CALCRL: variants seen among roughly 807,000 people sequenced by gnomAD.
The protein encoded by CALCRL is calcitonin receptor like receptor, also known as calcitonin gene-related peptide type 1 receptor.
In CALCRL, 27 loss-of-function variants were observed where a neutral mutation model predicts 60.4. The ratio of observed to expected loss-of-function variants is 0.45; its 90% CI spans 0.33 to 0.62. CALCRL has a LOEUF of 0.62. Ranked by LOEUF, CALCRL falls within the 20% of genes least tolerant of loss-of-function variation. The pLI is 0.03. For synonymous variants in CALCRL, 190 were observed against 182.6 expected, an observed-to-expected ratio of 1.04 and a Z score of -0.33; for missense variants, 424 against 540.7, an observed-to-expected ratio of 0.78 and a Z score of 2.14.
chr2:187,429,208 C>T (rs1338018543), intron 1 of CALCRL, among the ~76,000 whole-genome samples: 1 of 151,708 alleles, frequency 6.6e-6, no homozygotes, highest in African/African-American at 2.4e-5. Context: ...TCTTACCCAT[C>T]TGTCAAGTTT....
chr2:187,445,746 A>G (rs1691151065), intron 1 of CALCRL, among the ~76,000 whole-genome samples: 1 of 151,488 alleles, frequency 6.6e-6, no homozygotes, highest in South Asian at 2.1e-4. Context: ...GTTATGCATG[A>G]AAAAATAGTA....
intron 1 of CALCRL, among the ~76,000 whole-genome samples, chr2:187,430,313 T>C (rs920070854): frequency 1.3e-5 from 2 of 152,128 alleles, no homozygotes; most frequent in African/African-American, 4.8e-5. Context: ...AAATCACAGC[T>C]TAAGTACAGA....
At chr2:187,402,182 T>C (rs1688917164) in intron 1 of CALCRL, among the ~76,000 whole-genome samples, 1 of 151,730 alleles carries the variant, frequency 6.6e-6, no homozygotes, top group Non-Finnish European at 1.5e-5. Flanking sequence ...TTTACTATAT[T>C]AATACATTCA....
intron 1 of CALCRL, among the ~76,000 whole-genome samples, chr2:187,414,556 TA>T (rs1343896627): frequency 6.6e-6 from 1 of 152,142 alleles, no homozygotes; most frequent in Non-Finnish European, 1.5e-5. Flanking sequence ...TCTTTTTCCA[TA>T]ATATAATAAT....
intron 1 of CALCRL, among the ~76,000 whole-genome samples, chr2:187,442,607 A>T (rs10194145): frequency 0.28 from 41,703 of 151,052 alleles, 5,954 homozygotes; most frequent in Middle Eastern, 0.34. Context: ...TAAGAACTTT[A>T]AAAAAAATGG....
chr2:187,437,034 C>T (rs1321243576), intron 1 of CALCRL, among the ~76,000 whole-genome samples: 1 of 151,952 alleles, frequency 6.6e-6, no homozygotes, highest in Non-Finnish European at 1.5e-5. Flanking sequence ...ATACTTTGTT[C>T]TGGTTGGCTT....
intron 1 of CALCRL, chr2:187,442,188 A>G (rs1690952800): frequency 1.3e-5 from 2 of 149,380 alleles, no homozygotes; most frequent in African/African-American, 4.9e-5. Context: ...ATGTGTGTAT[A>G]TATGTATACA....
At chr2:187,347,958 A>G (rs950354597) in intron 14 of CALCRL, among the ~76,000 whole-genome samples, 4 of 151,826 alleles carry the variant, frequency 2.6e-5, no homozygotes, top group Non-Finnish European at 5.9e-5. Context: ...TTACATTATG[A>G]TGAAGTTCAG....
At chr2:187,423,322 G>A (rs1483709475) in intron 1 of CALCRL, among the ~76,000 whole-genome samples, 2 of 149,786 alleles carry the variant, frequency 1.3e-5, no homozygotes, top group Non-Finnish European at 3.0e-5. Context: ...GAATGCCTTT[G>A]AAGTTAAACC....
chr2:187,430,150 G>A (rs1024923496), intron 1 of CALCRL, among the ~76,000 whole-genome samples: 20 of 152,268 alleles, frequency 1.3e-4, no homozygotes, highest in African/African-American at 4.8e-4. Flanking sequence ...CTTGCTCTAA[G>A]GAACAGTGAG....
At position 187,383,287 on chromosome 2, in the gene CALCRL, A is replaced by T; in HGVS notation, c.70T>A (p.Leu24Ile). ...ATTGAGTCCTCAGGACTCTCTTCTA[A>T]TTCTGCTGTAACAAGAATCTAAGGG... ...PFFMILVTAE[L>I]EESPEDSIQL... Residue 24 changes from leucine to isoleucine, a missense_variant, in exon 5 of 15, where the codon TTA (leucine) becomes ATA (isoleucine). This residue lies in a region of CALCRL where 108 missense variants were observed against 132.9 expected (regional missense o/e 0.81). Coordinates refer to ENST00000392370, the MANE Select transcript of CALCRL (RefSeq NM_005795.6). 6.2e-7 allele frequency: 1 copy of T among 1,604,274 alleles called. No homozygotes were observed. Among genetic ancestry groups the T allele is most frequent in the Non-Finnish European group, 8.5e-7 (1 of 1,176,636 alleles).
intron 5 of CALCRL, among the ~76,000 whole-genome samples, chr2:187,381,476 G>C (rs1436959939): frequency 2.1e-5 from 3 of 142,600 alleles, no homozygotes; most frequent in Non-Finnish European, 4.6e-5. Context: ...TTTTTTTTTT[G>C]AGACTGAGTC....
intron 14 of CALCRL, among the ~76,000 whole-genome samples, chr2:187,350,572 G>T (rs117573825): frequency 0.089 from 13,352 of 150,434 alleles, 709 homozygotes; most frequent in South Asian, 0.17. Context: ...AATAAATATA[G>T]ATAAATAATA....
intron 1 of CALCRL, among the ~76,000 whole-genome samples, chr2:187,443,419 A>G (rs1691018859): frequency 6.6e-6 from 1 of 151,824 alleles, no homozygotes; most frequent in African/African-American, 2.4e-5. Flanking sequence ...CAATATGATT[A>G]TCACTTCCAC....
intron 8 of CALCRL, among the ~76,000 whole-genome samples, chr2:187,368,282 T>G (rs753216879): frequency 9.2e-5 from 14 of 152,108 alleles, no homozygotes; most frequent in Non-Finnish European, 1.0e-4. Context: ...AATCAAACGC[T>G]CTAATGGTTT....
chr2:187,364,146 A>G (rs553358621), intron 8 of CALCRL, among the ~76,000 whole-genome samples: 8 of 150,620 alleles, frequency 5.3e-5, no homozygotes, highest in Non-Finnish European at 8.9e-5. Context: ...TTCCTCTTGT[A>G]TAAAACAAAA....
chr2:187,364,272 T>A (rs1687183993), intron 8 of CALCRL, among the ~76,000 whole-genome samples: 1 of 152,144 alleles, frequency 6.6e-6, no homozygotes, highest in Non-Finnish European at 1.5e-5. Flanking sequence ...ATTGTGCATA[T>A]ATGACTGCCT....
intron 1 of CALCRL, among the ~76,000 whole-genome samples, chr2:187,394,902 G>C (rs1380834121): frequency 1.3e-5 from 2 of 151,984 alleles, no homozygotes; most frequent in Non-Finnish European, 1.5e-5. Context: ...CAGTAAATGA[G>C]ATAATGCTAA....
intron 1 of CALCRL, among the ~76,000 whole-genome samples, chr2:187,442,908 T>C (rs1393368215): frequency 6.6e-6 from 1 of 151,912 alleles, no homozygotes; most frequent in Admixed American, 6.6e-5. Context: ...TACACAATAG[T>C]ATAATGAAAT....
Sources: gnomAD v4.1 joint callset for allele counts (sites outside exome capture counted in the v4.1 genomes callset) on GRCh38, gnomAD v4.1.1 for gene constraint, gnomAD v4.1.1 regional missense constraint, MANE v1.5 for transcripts, NCBI Gene and HGNC (gene_info 2026-07-23, HGNC 2026-07-21) for gene names.